SPPL2A: variants seen among roughly 807,000 people sequenced by gnomAD.
The protein encoded by SPPL2A is signal peptide peptidase-like 2A.
A neutral mutation model predicts 63.8 loss-of-function variants in SPPL2A; 51 were observed. The ratio of observed to expected loss-of-function variants is 0.80; its 90% CI spans 0.64 to 1.01. The LOEUF (loss-of-function observed/expected upper bound fraction) is 1.01. Ranked by LOEUF, SPPL2A falls within the 50% of genes least tolerant of loss-of-function variation. The pLI is 0.00. For synonymous variants in SPPL2A, 188 were observed against 205.8 expected, an observed-to-expected ratio of 0.91 and a Z score of 0.74; for missense variants, 553 against 622.7, an observed-to-expected ratio of 0.89 and a Z score of 1.19.
chr15:50,745,714 T>G (rs1380601637), intron 5 of SPPL2A, among the ~76,000 whole-genome samples: 1 of 152,070 alleles, frequency 6.6e-6, no homozygotes, highest in African/African-American at 2.4e-5. Flanking sequence ...ATTTTGTTAT[T>G]TTTAGAAGAG....
chr15:50,745,607 G>A (rs984066192), intron 5 of SPPL2A, among the ~76,000 whole-genome samples: 2 of 148,944 alleles, frequency 1.3e-5, no homozygotes, highest in African/African-American at 5.0e-5. Context: ...GAGTGCAGTG[G>A]CACAATCACA....
At chr15:50,751,202 G>A (rs945021984) in intron 1 of SPPL2A, among the ~76,000 whole-genome samples, 2 of 152,184 alleles carry the variant, frequency 1.3e-5, no homozygotes, top group Non-Finnish European at 2.9e-5. Context: ...TTTTCATTCA[G>A]CTATATACTT....
At position 50,705,304 on chromosome 15, in the gene SPPL2A, C is replaced by A. The variant is rs921827280; in HGVS notation, c.*2496G>T. 6.7e-6 allele frequency: 1 copy of A among 149,502 alleles called. No homozygotes were observed. Among genetic ancestry groups the A allele is most frequent in the Non-Finnish European group, 1.5e-5 (1 of 67,746 alleles). The allele number at this position is 149,502 out of a possible 1,614,324, so 9.3% of individuals were successfully genotyped here. A position where few individuals can be genotyped will look rare whatever the true frequency, so the allele number is the denominator to read the frequency against. ...GTAGTGAGCCAAGATCTTGCTACTG[C>A]ACTCCAGCCTGGGTGACAGAGGGAG... On this transcript the variant is annotated 3_prime_UTR_variant, in exon 15 of 15. Transcript: ENST00000261854.
chr15:50,723,047 G>C (rs1262918223), intron 12 of SPPL2A, among the ~76,000 whole-genome samples: 1 of 152,080 alleles, frequency 6.6e-6, no homozygotes, highest in African/African-American at 2.4e-5. Flanking sequence ...TAGCCAACAG[G>C]TATATGAAAA....
chr15:50,713,269 T>TTTC (rs970425454), intron 14 of SPPL2A, among the ~76,000 whole-genome samples: 14 of 128,804 alleles, frequency 1.1e-4, no homozygotes, highest in African/African-American at 4.3e-4. Flanking sequence ...TTCCTGAGTA[T>TTTC]TTTTTTTTTT....
intron 1 of SPPL2A, among the ~76,000 whole-genome samples, chr15:50,760,649 T>C (rs1279303204): frequency 6.6e-6 from 1 of 152,018 alleles, no homozygotes; most frequent in Non-Finnish European, 1.5e-5. Flanking sequence ...GAAGGACCCA[T>C]CTCCAAATAT....
At chr15:50,754,873 T>C (rs138587650) in intron 1 of SPPL2A, among the ~76,000 whole-genome samples, 2,594 of 152,014 alleles carry the variant, frequency 0.017, 30 homozygotes, top group African/African-American at 0.031. Flanking sequence ...TCCCAGCTAC[T>C]CGGGAGGCTG....
At chr15:50,752,017 G>GA (rs2062911158) in intron 1 of SPPL2A, among the ~76,000 whole-genome samples, 1 of 151,974 alleles carries the variant, frequency 6.6e-6, no homozygotes, top group South Asian at 2.1e-4. Context: ...TTTTAGTAGA[G>GA]ACGGGGTTTT....
intron 5 of SPPL2A, among the ~76,000 whole-genome samples, chr15:50,741,559 T>C (rs944020114): frequency 3.3e-5 from 5 of 152,042 alleles, no homozygotes; most frequent in African/African-American, 9.7e-5. Context: ...ATTTTTGTCA[T>C]AGTATACATA....
At chr15:50,745,340 G>A (rs929490572) in intron 5 of SPPL2A, among the ~76,000 whole-genome samples, 1 of 152,058 alleles carries the variant, frequency 6.6e-6, no homozygotes, top group African/African-American at 2.4e-5. Context: ...TACTAGAGAT[G>A]GGGTTTCGCC....
chr15:50,710,813 A>G (rs1373596214), intron 14 of SPPL2A, among the ~76,000 whole-genome samples: 1 of 152,228 alleles, frequency 6.6e-6, no homozygotes, highest in Non-Finnish European at 1.5e-5. Context: ...AGTACTAGTG[A>G]CATTTAACAG....
At chr15:50,755,189 G>T (rs562268439) in intron 1 of SPPL2A, among the ~76,000 whole-genome samples, 4 of 150,212 alleles carry the variant, frequency 2.7e-5, no homozygotes, top group South Asian at 2.1e-4. Context: ...GTGGTGGCAC[G>T]TGCCTATAGT....
Position 50,704,219 on chromosome 15 carries a change from A to C in SPPL2A, c.*3581T>G, listed in dbSNP as rs1400819975. The C allele has an allele frequency of 6.6e-6, 1 of 151,960 alleles. No homozygotes were observed. Among genetic ancestry groups the C allele is most frequent in the Non-Finnish European group, 1.5e-5 (1 of 68,022 alleles). The allele number at this position is 151,960 out of a possible 1,614,324, so 9.4% of individuals were successfully genotyped here. A position where few individuals can be genotyped will look rare whatever the true frequency, so the allele number is the denominator to read the frequency against. On this transcript the variant is annotated 3_prime_UTR_variant, in exon 15 of 15. Transcript: ENST00000261854. The stretch of plus-strand genomic sequence containing the variant: ...TAGCCGGGTGTGGTGGCACATGCCT[A>C]TAATCCCAGCTACTCAGGAGGCTGA...
chr15:50,710,784 A>G (rs2062549790), intron 14 of SPPL2A, among the ~76,000 whole-genome samples: 1 of 152,190 alleles, frequency 6.6e-6, no homozygotes, highest in African/African-American at 2.4e-5. Context: ...ACAGCTTGTG[A>G]CTTCTAAAAA....
intron 6 of SPPL2A, 29 bp from the exon 7 acceptor site, chr15:50,736,769 G>A (rs758187282): frequency 9.3e-7 from 1 of 1,080,820 alleles, no homozygotes; most frequent in Admixed American, 1.8e-5. Context: ...TAAATTACAT[G>A]AGAACAGAAG....
chr15:50,749,474 G>GCC (rs2062888267), intron 2 of SPPL2A, among the ~76,000 whole-genome samples, 162 bp downstream of exon 2: 1 of 152,108 alleles, frequency 6.6e-6, no homozygotes, highest in East Asian at 1.9e-4. Flanking sequence ...TTTTAGTAGA[G>GCC]AAGGGGTTTC....
chr15:50,735,063 C>G (rs560563026), intron 8 of SPPL2A, among the ~76,000 whole-genome samples: 12 of 152,004 alleles, frequency 7.9e-5, no homozygotes, highest in Non-Finnish European at 1.5e-4. Flanking sequence ...TGCCACCATG[C>G]CCGGCTAATT....
At position 50,720,104 on chromosome 15, in the gene SPPL2A, CAAG is replaced by C. The variant is rs769083040; in HGVS notation, c.1328-7_1328-5del. 2.5e-6 allele frequency: 4 copies of C among 1,600,852 alleles called. No homozygotes were observed. Among genetic ancestry groups the C allele is most frequent in the African/African-American group, 1.3e-5 (1 of 74,284 alleles). On this transcript the variant is annotated splice_polypyrimidine_tract_variant and splice_region_variant and intron_variant, in intron 13 of 14. Transcript: ENST00000261854. ...AGTATCATGCCAATAGCATAGGCTG[CAAG>C]AAGAATACCAAGCTATAAGTCATTT...
At chr15:50,731,500 C>T (rs947047314) in intron 9 of SPPL2A, among the ~76,000 whole-genome samples, 1 of 151,584 alleles carries the variant, frequency 6.6e-6, no homozygotes, top group African/African-American at 2.4e-5. Flanking sequence ...GAGCTGAGAT[C>T]GTGCCACTGC....
Sources: gnomAD v4.1 joint callset for allele counts (sites outside exome capture counted in the v4.1 genomes callset) on GRCh38, gnomAD v4.1.1 for gene constraint, MANE v1.5 for transcripts, NCBI Gene and HGNC (gene_info 2026-07-23, HGNC 2026-07-21) for gene names.